Variants in NT5E observed in about 807,000 individuals in gnomAD.
The protein encoded by NT5E is 5'-nucleotidase ecto.
In NT5E, 53 loss-of-function variants were observed where a neutral mutation model predicts 55.1. The observed-to-expected ratio is 0.96, with a 90% CI of 0.77 to 1.21. The LOEUF (loss-of-function observed/expected upper bound fraction) is 1.21. NT5E is among the 50% of genes most tolerant of loss of function. The pLI is 0.00. For synonymous variants in NT5E, 270 were observed against 278.4 expected (o/e 0.97, Z 0.30); for missense variants, 683 against 724.3 (o/e 0.94, Z 0.65).
chr6:85,459,799 G>C (rs1400842073), intron 1 of NT5E, among the ~76,000 whole-genome samples: 2 of 152,224 alleles, frequency 1.3e-5, no homozygotes, highest in African/African-American at 4.8e-5. Flanking sequence ...GATGTGGATA[G>C]CTTATAAAAG....
chr6:85,484,525 G>T (rs1028504964), intron 3 of NT5E, among the ~76,000 whole-genome samples: 1 of 152,178 alleles, frequency 6.6e-6, no homozygotes, highest in Non-Finnish European at 1.5e-5. Flanking sequence ...TGTGAGGGCT[G>T]GCTGGGGTCA....
intron 3 of NT5E, among the ~76,000 whole-genome samples, chr6:85,484,121 C>G (rs1769602556): frequency 6.6e-6 from 1 of 152,146 alleles, no homozygotes; most frequent in Non-Finnish European, 1.5e-5. Context: ...CGTAACAGGT[C>G]CATGTGTGTA....
intron 3 of NT5E, among the ~76,000 whole-genome samples, chr6:85,472,926 A>C (rs1769345917): frequency 6.6e-6 from 1 of 152,118 alleles, no homozygotes. Context: ...TTTGACAGAT[A>C]AGACTAAAAT....
chr6:85,490,225 A>G (rs976265511), intron 6 of NT5E, among the ~76,000 whole-genome samples: 1 of 152,178 alleles, frequency 6.6e-6, no homozygotes, highest in Non-Finnish European at 1.5e-5. Context: ...ACTACTGGAG[A>G]TCCAGCCCCA....
At chr6:85,485,534 T>C (rs1769635496) in intron 4 of NT5E, 102 bp downstream of exon 4, 10 of 1,143,586 alleles carry the variant, frequency 8.7e-6, no homozygotes, top group African/African-American at 1.5e-5. Flanking sequence ...GAAAAGACTA[T>C]AATACTGTTG....
chr6:85,469,328 G>A (rs1769257921), intron 2 of NT5E, among the ~76,000 whole-genome samples: 1 of 152,004 alleles, frequency 6.6e-6, no homozygotes, highest in African/African-American at 2.4e-5. Context: ...AGCAAAAGAT[G>A]GTAGCATACT....
rs41271617 is a variant in NT5E at position 85,485,315 on chromosome 6, G to A, written c.832G>A (p.Val278Ile). 4.0e-3 allele frequency: 6,399 copies of A among 1,614,182 alleles called. 21 individuals are homozygous for A. Among genetic ancestry groups the A allele is most frequent in the Non-Finnish European group, 4.9e-3 (5,833 of 1,180,028 alleles). The change falls in exon 4 of 9, where the codon GTC becomes ATC. Residue 278 changes from valine (V) to isoleucine (I), a missense_variant. Val to Ile is a conservative substitution (Grantham distance 29, BLOSUM62 3). Coordinates refer to ENST00000257770, the MANE Select transcript of NT5E (RefSeq NM_002526.4). ...TGATGATGGGCGGAAGGTTCCTGTA[G>A]TCCAGGCCTATGCTTTTGGCAAATA... ...TSDDGRKVPV[V>I]QAYAFGKYLG...
chr6:85,471,086 GT>G, intron 2 of NT5E, 150 bp from the exon 3 acceptor site: 1 of 486,506 alleles, frequency 2.1e-6, no homozygotes, highest in Non-Finnish European at 3.6e-6. Context: ...CTTCTTAGGG[GT>G]TTTGTATTTA....
rs1346361852 is a variant in NT5E at position 85,495,524 on chromosome 6, AAAT to A, written c.*1525_*1527del. The stretch of plus-strand genomic sequence containing the variant: ...CCTTTTTATAAAAGTTGTTGCAGCA[AAAT>A]AATAGCCTCGGTTCTATGCATATAT... On this transcript the variant is annotated 3_prime_UTR_variant, in exon 9 of 9. Coordinates refer to ENST00000257770, the MANE Select transcript of NT5E (RefSeq NM_002526.4). 4.6e-5 allele frequency: 7 copies of A among 152,244 alleles called. No homozygotes were observed. Among genetic ancestry groups the A allele is most frequent in the African/African-American group, 1.7e-4 (7 of 41,464 alleles). The allele number at this position is 152,244 out of a possible 1,614,324, so 9.4% of individuals were successfully genotyped here.
At chr6:85,457,184 C>T (rs1042091905) in intron 1 of NT5E, among the ~76,000 whole-genome samples, 4 of 152,186 alleles carry the variant, frequency 2.6e-5, no homozygotes, top group Admixed American at 2.6e-4. Context: ...TACCTCAAGC[C>T]CTGAAATGCA....
intron 3 of NT5E, among the ~76,000 whole-genome samples, chr6:85,480,409 T>C (rs1466389235): frequency 6.6e-6 from 1 of 152,210 alleles, no homozygotes; most frequent in Non-Finnish European, 1.5e-5. Context: ...ACATGACAGC[T>C]TGTGCATCAT....
rs1447499416 is a variant in NT5E at position 85,450,678 on chromosome 6, C to T, written c.339+200C>T. Among the ~76,000 whole-genome samples, 1 of 152,182 alleles carries T rather than the reference C, an allele frequency of 6.6e-6. No individual in the cohort carries two copies. Among genetic ancestry groups the T allele is most frequent in the Non-Finnish European group, 1.5e-5 (1 of 68,034 alleles). ...TTCGTCTTAAACGGACGTTATTGCG[C>T]CCCCACTATGAGATGGGAGTATTTA... On this transcript the variant is annotated intron_variant, in intron 1 of 8. Coordinates refer to ENST00000257770, the MANE Select transcript of NT5E (RefSeq NM_002526.4). The surrounding 1 kb of genome is among the most constrained non-coding windows in gnomAD (Gnocchi z 4.0).
At position 85,493,866 on chromosome 6, in the gene NT5E, T is replaced by C; in HGVS notation, c.1587T>C (p.Ser529=). 2 of 1,613,982 alleles carry C rather than the reference T, an allele frequency of 1.2e-6. No homozygotes were observed. The highest frequency in any genetic ancestry group is 1.1e-5 in the South Asian group (1 of 91,062). ...GTGACCAAGATATCAACGTGGTTTC[T>C]ACATATATCTCCAAAATGAAAGTAA... The part of the protein sequence containing the change: ...DSGDQDINVV[S]TYISKMKVIY... The change falls in exon 9 of 9, where the codon TCT becomes TCC. Residue 529 remains serine (S), a synonymous_variant. Transcript: ENST00000257770.
intron 1 of NT5E, among the ~76,000 whole-genome samples, chr6:85,453,728 GC>G (rs984729113): frequency 6.6e-6 from 1 of 152,100 alleles, no homozygotes; most frequent in Non-Finnish European, 1.5e-5. Flanking sequence ...TGCAGCCTTA[GC>G]CCTAGCCAAT....
At chr6:85,460,483 G>C (rs892311699) in intron 1 of NT5E, among the ~76,000 whole-genome samples, 1 of 152,170 alleles carries the variant, frequency 6.6e-6, no homozygotes, top group Non-Finnish European at 1.5e-5. Flanking sequence ...ACAAATGGTA[G>C]AGGTAATACT....
chr6:85,466,692 C>T (rs1018352284), intron 1 of NT5E, among the ~76,000 whole-genome samples: 4 of 152,108 alleles, frequency 2.6e-5, no homozygotes, highest in African/African-American at 4.8e-5. Context: ...CAGCAGATCG[C>T]GGCTTGAATC....
intron 8 of NT5E, among the ~76,000 whole-genome samples, chr6:85,492,432 A>G (rs1453046826): frequency 6.6e-6 from 1 of 152,248 alleles, no homozygotes; most frequent in Admixed American, 6.5e-5. Context: ...TCTTTTAACT[A>G]CATCTAAGCA....
intron 3 of NT5E, among the ~76,000 whole-genome samples, chr6:85,476,518 C>T (rs1251737632): frequency 6.6e-6 from 1 of 152,204 alleles, no homozygotes; most frequent in Non-Finnish European, 1.5e-5. Flanking sequence ...GCATGTGTTA[C>T]AGTGTGCTCT....
intron 1 of NT5E, among the ~76,000 whole-genome samples, chr6:85,457,803 T>C (rs2127754403): frequency 6.6e-6 from 1 of 152,316 alleles, no homozygotes; most frequent in Middle Eastern, 3.4e-3. Flanking sequence ...GATCAGGACC[T>C]GCTAGGGTGA....
Sources: gnomAD v4.1 joint callset for allele counts (sites outside exome capture counted in the v4.1 genomes callset) on GRCh38, gnomAD v4.1.1 for gene constraint, Gnocchi (gnomAD v3.1) non-coding constraint, MANE v1.5 for transcripts, NCBI Gene and HGNC (gene_info 2026-07-23, HGNC 2026-07-21) for gene names.